Variants in TEX15 observed in about 807,000 individuals in gnomAD.
The protein encoded by TEX15 is testis-expressed protein 15.
A neutral mutation model predicts 237.3 loss-of-function variants in TEX15; 171 were observed. The ratio of observed to expected loss-of-function variants is 0.72; its 90% CI spans 0.64 to 0.82. The LOEUF is 0.82. Among genes scored for constraint, TEX15 ranks in the 40% least tolerant of loss-of-function variants. The probability of loss-of-function intolerance (pLI) is 0.00; values close to 1 mark genes in which losing one functional copy is unlikely to be tolerated. For synonymous variants in TEX15, 1,338 were observed against 1,269.8 expected (o/e 1.05, Z -1.14); for missense variants, 3,750 against 3,646.5 (o/e 1.03, Z -0.73).
In TEX15 at chr8:30,862,108, T is replaced by A. The variant is rs371997139; in HGVS notation, c.541-2051A>T. ...CTCAGGACAGTTGAGCATTACACAA[T>A]CAAAAGATGTAAAAATGTACATACT... On this transcript the variant is annotated intron_variant, in intron 5 of 10. Transcript: ENST00000643185. Among the ~76,000 whole-genome samples the A allele has an allele frequency of 6.9e-4, 105 of 152,166 alleles. 1 individual carries two copies. Among genetic ancestry groups the A allele is most frequent in the African/African-American group, 2.5e-3 (102 of 41,556 alleles).
In TEX15 at chr8:30,837,276, T is replaced by C. The variant is rs1283088331; in HGVS notation, c.9008A>G (p.Lys3003Arg). 1.9e-6 allele frequency: 3 copies of C among 1,614,210 alleles called. No individual in the cohort carries two copies. Among genetic ancestry groups the C allele is most frequent in the South Asian group, 1.1e-5 (1 of 91,082 alleles). Residue 3003 changes from lysine (K) to arginine (R), a missense_variant, in exon 10 of 11, where the codon AAA becomes AGA. Physicochemically the swap from Lys to Arg is conservative, Grantham distance 26. Coordinates refer to ENST00000643185, the MANE Select transcript of TEX15 (RefSeq NM_001350162.2). ...EYSLSEQQND[K>R]NSKVLMQNAA... ...ATTCTGCATTAGGACTTTTGAATTTTTGTCATTCTGTTGTTCAGAAAGAGA... is the reference window on the plus strand; with the variant it reads ...ATTCTGCATTAGGACTTTTGAATTTCTGTCATTCTGTTGTTCAGAAAGAGA...
At position 30,842,982 on chromosome 8, in the gene TEX15, T is replaced by C; in HGVS notation, c.7185A>G (p.Thr2395=). The C allele has an allele frequency of 1.2e-6, 2 of 1,613,064 alleles. No individual in the cohort carries two copies. Among genetic ancestry groups the C allele is most frequent in the East Asian group, 2.2e-5 (1 of 44,832 alleles). ...KKLQDLTLRC[T]DHLEILKKYF... is the part of the protein sequence containing the mutation. ...ATTTTTTTAAAATTTCTAAGTGATC[T>C]GTACATCTCAAGGTGAGATCCTGTA... Residue 2395 remains threonine (T), a synonymous_variant, in exon 8 of 11, where the codon ACA becomes ACG. Coordinates refer to ENST00000643185, the MANE Select transcript of TEX15 (RefSeq NM_001350162.2).
intron 7 of TEX15, among the ~76,000 whole-genome samples, chr8:30,856,034 C>A (rs987274550): frequency 6.6e-5 from 10 of 152,098 alleles, no homozygotes; most frequent in Non-Finnish European, 1.2e-4. Flanking sequence ...CATCCTCTGA[C>A]CCCCAGGTTC....
intron 1 of TEX15, among the ~76,000 whole-genome samples, chr8:30,902,234 T>G (rs2128779318): frequency 2.0e-5 from 3 of 152,190 alleles, no homozygotes. Context: ...CTTTTTTTTT[T>G]TTTTTCCTTA....
In TEX15 at chr8:30,837,625, G is replaced by A; in HGVS notation, c.8659C>T (p.Leu2887Phe). The change falls in exon 10 of 11, where the codon CTT becomes TTT. Residue 2887 changes from leucine to phenylalanine, a missense_variant. Coordinates refer to ENST00000643185, the MANE Select transcript of TEX15 (RefSeq NM_001350162.2). ...GAGAGCACCGACGCATCAGGCACAA[G>A]AGAAACATCAGTTTCTGGGTTTATA... ...SDINPETDVS[L>F]VPDASVLSKP... The A allele has an allele frequency of 1.2e-6, 2 of 1,613,952 alleles. No homozygotes were observed. The highest frequency in any genetic ancestry group is 1.7e-6 in the Non-Finnish European group (2 of 1,179,838).
Position 30,849,166 on chromosome 8 carries a change from G to T in TEX15, c.1001C>A (p.Pro334His). 1 of 1,549,396 alleles carries T rather than the reference G, an allele frequency of 6.5e-7. No homozygotes were observed. The highest frequency in any genetic ancestry group is 8.7e-7 in the Non-Finnish European group (1 of 1,150,312). The change falls in exon 8 of 11, where the codon CCT (proline) becomes CAT (histidine). Residue 334 changes from proline (P) to histidine (H), a missense_variant. Physicochemically the swap from Pro to His is moderately conservative, Grantham distance 77. Transcript: ENST00000643185. ...GGAGTTAGAAATATTTGAGATGAAAGGATTTATCTCTGAATTTAGTGCATT... is the reference window on the plus strand; with the variant it reads ...GGAGTTAGAAATATTTGAGATGAAATGATTTATCTCTGAATTTAGTGCATT... ...LCNALNSEIN[P>H]FISNISNSYG...
intron 1 of TEX15, among the ~76,000 whole-genome samples, chr8:30,903,056 C>G (rs182535604): frequency 2.6e-5 from 4 of 152,288 alleles, no homozygotes; most frequent in Admixed American, 2.6e-4. Flanking sequence ...GTTGAATCAA[C>G]CAACCTCCAT....
chr8:30,840,131 C>A (rs1458865578), intron 8 of TEX15, among the ~76,000 whole-genome samples, 167 bp from the exon 9 acceptor site: 1 of 152,074 alleles, frequency 6.6e-6, no homozygotes, highest in African/African-American at 2.4e-5. Flanking sequence ...TCCTAGACTT[C>A]CCATATTTCA....
intron 3 of TEX15, among the ~76,000 whole-genome samples, chr8:30,878,096 CTTTTT>C (rs36096573): frequency 5.9e-5 from 7 of 118,206 alleles, no homozygotes; most frequent in African/African-American, 1.3e-4. Flanking sequence ...GTAAAGATTG[CTTTTT>C]TTTTTTTTTT....
rs1172169666 is a variant in TEX15, at chr8:30,846,940, T to C, written c.3227A>G (p.Gln1076Arg). Residue 1076 changes from glutamine (Q) to arginine (R), a missense_variant, in exon 8 of 11, where the codon CAA becomes CGA. Coordinates refer to ENST00000643185, the MANE Select transcript of TEX15 (RefSeq NM_001350162.2). ...EDCDDAFIFQQDTHSHENMLC... is the reference protein window; with the variant it reads ...EDCDDAFIFQRDTHSHENMLC... ...CATGTTTTCATGGCTATGTGTATCT[T>C]GTTGAAATATAAAAGCATCATCACA... 1.2e-6 allele frequency: 2 copies of C among 1,613,690 alleles called. No homozygotes were observed. The highest frequency in any genetic ancestry group is 1.7e-5 in the Admixed American group (1 of 59,986).
chr8:30,873,580 T>A (rs909729830), intron 4 of TEX15, among the ~76,000 whole-genome samples: 13 of 152,254 alleles, frequency 8.5e-5, no homozygotes, highest in Admixed American at 2.0e-4. Flanking sequence ...TCCCTTGAAG[T>A]AAATCCGTAT....
intron 5 of TEX15, among the ~76,000 whole-genome samples, chr8:30,866,641 A>G (rs1011119768): frequency 2.6e-5 from 4 of 152,016 alleles, no homozygotes; most frequent in Admixed American, 1.3e-4. Flanking sequence ...CCAGAGACAT[A>G]ATATATGATA....
Position 30,833,048 on chromosome 8 carries a change from T to G in TEX15, c.*238A>C. The G allele has an allele frequency of 2.8e-6, 1 of 353,694 alleles. No individual in the cohort carries two copies. Among genetic ancestry groups the G allele is most frequent in the Non-Finnish European group, 5.1e-6 (1 of 195,372 alleles). The allele number at this position is 353,694 out of a possible 1,614,324, so 21.9% of individuals were successfully genotyped here. A position where few individuals can be genotyped will look rare whatever the true frequency, so the allele number is the denominator to read the frequency against. ...AGATTTTACCACTATTGCTTAACTT[T>G]GATCATATTACCCTCCCCTTATAAT... On this transcript the variant is annotated 3_prime_UTR_variant, in exon 11 of 11. Coordinates refer to ENST00000643185, the MANE Select transcript of TEX15 (RefSeq NM_001350162.2).
intron 3 of TEX15, among the ~76,000 whole-genome samples, chr8:30,881,913 G>A (rs1808535499): frequency 2.0e-5 from 3 of 151,906 alleles, no homozygotes; most frequent in Admixed American, 6.6e-5. Flanking sequence ...GTGAGCCACC[G>A]CACCCAGCCT....
intron 1 of TEX15, among the ~76,000 whole-genome samples, chr8:30,907,738 T>C (rs1302198470): frequency 1.5e-5 from 2 of 133,850 alleles, no homozygotes; most frequent in Non-Finnish European, 3.2e-5. Context: ...ATAAATTAGA[T>C]ATAAAATTTT....
chr8:30,883,657 C>T (rs1173729452), intron 3 of TEX15, among the ~76,000 whole-genome samples: 2 of 152,138 alleles, frequency 1.3e-5, no homozygotes, highest in African/African-American at 4.8e-5. Flanking sequence ...CAGCTTCATC[C>T]ATGTCTCTGC....
At position 30,837,703 on chromosome 8, in the gene TEX15, GC is replaced by G; in HGVS notation, c.8580del (p.Leu2860PhefsTer20). 1.2e-6 allele frequency: 2 copies of G among 1,613,886 alleles called. No individual in the cohort carries two copies. Among genetic ancestry groups the G allele is most frequent in the Admixed American group, 1.7e-5 (1 of 59,996 alleles). On this transcript the variant is annotated frameshift_variant, in exon 10 of 11. Transcript: ENST00000643185. LOFTEE classifies it high-confidence loss of function. Reference protein sequence around the residue: ...GTFSPDHGTLLQKFLKNSPDP... With the variant: ...GTFSPDHGTLXQKFLKNSPDP... ...TCTGGGGAATTTTTAAGAAATTTCT[GC>G]AAAAGCGTCCCATGGTCTGGTGAAA...
intron 1 of TEX15, among the ~76,000 whole-genome samples, chr8:30,911,952 G>A (rs1477336859): frequency 6.6e-6 from 1 of 152,136 alleles, no homozygotes; most frequent in Admixed American, 6.5e-5. Context: ...TCCCTTCACT[G>A]AGCCGAGCCA....
At position 30,843,381 on chromosome 8, in the gene TEX15, T is replaced by G. The variant is rs1563233423; in HGVS notation, c.6786A>C (p.Ile2262=). 6.2e-7 allele frequency: 1 copy of G among 1,612,986 alleles called. No individual in the cohort carries two copies. Among genetic ancestry groups the G allele is most frequent in the Non-Finnish European group, 8.5e-7 (1 of 1,179,694 alleles). ...IKNNEAVRVK[I]SLYGLEHIFF... ...AGATATGTTCCAGACCATAAAGAGA[T>G]ATTTTAACACGTACTGCCTCGTTGT... The change falls in exon 8 of 11, where the codon ATA becomes ATC. Residue 2262 remains isoleucine (I), a synonymous_variant. Transcript: ENST00000643185.
Sources: gnomAD v4.1 joint callset for allele counts (sites outside exome capture counted in the v4.1 genomes callset) on GRCh38, gnomAD v4.1.1 for gene constraint, MANE v1.5 for transcripts, NCBI Gene and HGNC (gene_info 2026-07-23, HGNC 2026-07-21) for gene names.